GRID2IP: variants seen among roughly 807,000 people sequenced by gnomAD.
GRID2IP encodes the protein delphilin.
A neutral mutation model predicts 114.3 loss-of-function variants in GRID2IP; 78 were observed. The observed-to-expected ratio is 0.68, with a 90% CI of 0.57 to 0.82. The LOEUF (loss-of-function observed/expected upper bound fraction) is 0.82. Ranked by LOEUF, GRID2IP falls within the 40% of genes least tolerant of loss-of-function variation. The probability of loss-of-function intolerance (pLI) is 0.00; values close to 1 mark genes in which losing one functional copy is unlikely to be tolerated. For missense variants in GRID2IP, 1,727 were observed against 1,678.5 expected, an observed-to-expected ratio of 1.03 and a Z score of -0.51; for synonymous variants, 809 against 724.0, an observed-to-expected ratio of 1.12 and a Z score of -1.89.
At chr7:6,514,977 A>G (rs1179957206) in intron 7 of GRID2IP, among the ~76,000 whole-genome samples, 1 of 149,832 alleles carries the variant, frequency 6.7e-6, no homozygotes, top group African/African-American at 2.5e-5. Context: ...GAAAAGAAAA[A>G]GAGAGAGAGA....
Position 6,512,231 on chromosome 7 carries a change from C to CTTTTTTTTT in GRID2IP, c.1424-1201_1424-1193dup, listed in dbSNP as rs1002835555. 1.0e-3 allele frequency among the ~76,000 whole-genome samples: 94 copies of CTTTTTTTTT among 90,204 alleles called. 5 individuals are homozygous for CTTTTTTTTT. The highest frequency in any genetic ancestry group is 1.9e-3 in the African/African-American group (42 of 21,718). The allele number at this position is 90,204 out of a possible 152,430, so 59.2% of individuals were successfully genotyped here. A position where few individuals can be genotyped will look rare whatever the true frequency, so the allele number is the denominator to read the frequency against. ...CACACCTGCCTTTTTTTCTTTTCTT[C>CTTTTTTTTT]TTTTTTTTTTTTTTTTTTGTGACAG... On this transcript the variant is annotated intron_variant, in intron 8 of 21. Transcript: ENST00000457091.
At position 6,526,248 on chromosome 7, in the gene GRID2IP, C is replaced by G. The variant is rs1390560620; in HGVS notation, c.895G>C (p.Val299Leu). 1.9e-6 allele frequency: 3 copies of G among 1,551,986 alleles called. No homozygotes were observed. Among genetic ancestry groups the G allele is most frequent in the Non-Finnish European group, 2.6e-6 (3 of 1,147,044 alleles). The change falls in exon 4 of 22, where the codon GTC becomes CTC. Residue 299 changes from valine to leucine, a missense_variant. By Grantham distance (32) the Val-to-Leu change is conservative (BLOSUM62 1). Coordinates refer to ENST00000457091, the MANE Select transcript of GRID2IP (RefSeq NM_001145118.2). The surrounding 1 kb of genome is among the most constrained non-coding windows in gnomAD (Gnocchi z 7.6). ...CCAGGCAGGACAGACTCGATCCAGA[C>G]AGGCCCGTGGCCGCGAAGTGTGAAG... ...FGFTLRGHGPVWIESVLPGSP... is the reference protein window; with the variant it reads ...FGFTLRGHGPLWIESVLPGSP...
intron 7 of GRID2IP, among the ~76,000 whole-genome samples, chr7:6,517,031 T>A (rs1381886727): frequency 6.6e-6 from 1 of 151,822 alleles, no homozygotes; most frequent in Non-Finnish European, 1.5e-5. Context: ...CTGTCTTTTC[T>A]TCTATCTCTT....
rs909557298 is a variant in GRID2IP at position 6,521,331 on chromosome 7, G to C, written c.1084+98C>G. On this transcript the variant is annotated intron_variant, in intron 6 of 21. Transcript: ENST00000457091. The surrounding 1 kb of genome is among the most constrained non-coding windows in gnomAD (Gnocchi z 4.1). ...CCCGGGGAGGCAAGCTGCAGGTTTA[G>C]GGGAAGAGCTGAGTCCTCCGCACTG... is the stretch of plus-strand genomic sequence containing the variant. 36 of 816,932 alleles carry C rather than the reference G, an allele frequency of 4.4e-5. No individual in the cohort carries two copies. In the African/African-American group the frequency reaches 5.1e-4, roughly 11 times the overall value. 50.6% of individuals were successfully genotyped at this position (816,932 alleles called of 1,614,324 possible).
chr7:6,500,433 C>A (rs1786380987), intron 20 of GRID2IP, among the ~76,000 whole-genome samples: 2 of 152,194 alleles, frequency 1.3e-5, no homozygotes, highest in South Asian at 4.1e-4. Context: ...CATTGCACTC[C>A]AGCCTGGGCA....
At chr7:6,531,854 G>A (rs1452292056) in intron 2 of GRID2IP, among the ~76,000 whole-genome samples, 1 of 152,206 alleles carries the variant, frequency 6.6e-6, no homozygotes, top group Non-Finnish European at 1.5e-5. Context: ...AGAGGGGGGT[G>A]TTGGGATGGG....
At position 6,526,801 on chromosome 7, in the gene GRID2IP, T is replaced by G; in HGVS notation, c.585-32A>C. The G allele has an allele frequency of 6.8e-7, 1 of 1,476,852 alleles. No individual in the cohort carries two copies. Among genetic ancestry groups the G allele is most frequent in the South Asian group, 1.3e-5 (1 of 78,986 alleles). The allele number at this position is 1,476,852 out of a possible 1,614,324, so 91.5% of individuals were successfully genotyped here. On this transcript the variant is annotated intron_variant, in intron 2 of 21. Transcript: ENST00000457091. This position sits in a 1 kb window ranked among gnomAD's most constrained non-coding sequence, Gnocchi z 7.6. Reference sequence around the variant, plus strand: ...GCGAGGACGGCGGAGTCGGGGCGCGTTCCCGGACCCCGGATCTCTGCAAAC... The same window carrying G: ...GCGAGGACGGCGGAGTCGGGGCGCGGTCCCGGACCCCGGATCTCTGCAAAC...
At chr7:6,549,740 C>T (rs1779941252) in intron 1 of GRID2IP, among the ~76,000 whole-genome samples, 1 of 151,994 alleles carries the variant, frequency 6.6e-6, no homozygotes, top group Non-Finnish European at 1.5e-5. Flanking sequence ...CCCACCTCAA[C>T]ACCCTTGAGT....
rs556744325 is a variant in GRID2IP, at chr7:6,507,196, G to A, written c.2544+789C>T. ...TGAGCACTGGGACGGGGCAGCCCTG[G>A]GAGCTGGAAGGAGCCCCTGCCATAT... On this transcript the variant is annotated intron_variant, in intron 13 of 21. Transcript: ENST00000457091. This position sits in a 1 kb window ranked among gnomAD's most constrained non-coding sequence, Gnocchi z 5.3. Among the ~76,000 whole-genome samples the A allele has an allele frequency of 5.6e-4, 86 of 152,288 alleles. No individual in the cohort carries two copies. The highest frequency in any genetic ancestry group is 1.1e-3 in the Non-Finnish European group (73 of 68,024).
At chr7:6,533,993 G>A (rs1217486691) in intron 2 of GRID2IP, among the ~76,000 whole-genome samples, 3 of 152,116 alleles carry the variant, frequency 2.0e-5, no homozygotes, top group South Asian at 4.1e-4. Flanking sequence ...TGGCACTGAA[G>A]CAGAAGAGGG....
chr7:6,538,704 C>A (rs1779769007), intron 2 of GRID2IP, among the ~76,000 whole-genome samples: 1 of 152,108 alleles, frequency 6.6e-6, no homozygotes, highest in South Asian at 2.1e-4. Flanking sequence ...ATGGTGACAC[C>A]CCATCTTTAC....
At chr7:6,539,141 T>G (rs1283193459) in intron 2 of GRID2IP, among the ~76,000 whole-genome samples, 7 of 151,356 alleles carry the variant, frequency 4.6e-5, no homozygotes, top group Non-Finnish European at 7.4e-5. Context: ...ACCTTTTTTT[T>G]TTTTTGAGAC....
Position 6,508,859 on chromosome 7 carries a change from G to C in GRID2IP, c.2127+99C>G. ...TGGGATAGCCTGGGGAAGATCCCAAGGGCAGCAGGCCCCTTGCGGGAGCCC... is the reference window on the plus strand; with the variant it reads ...TGGGATAGCCTGGGGAAGATCCCAACGGCAGCAGGCCCCTTGCGGGAGCCC... On this transcript the variant is annotated intron_variant, in intron 12 of 21. Coordinates refer to ENST00000457091, the MANE Select transcript of GRID2IP (RefSeq NM_001145118.2). The surrounding 1 kb of genome is among the most constrained non-coding windows in gnomAD (Gnocchi z 5.6). 6.8e-7 allele frequency: 1 copy of C among 1,466,812 alleles called. No homozygotes were observed. Among genetic ancestry groups the C allele is most frequent in the Non-Finnish European group, 9.0e-7 (1 of 1,110,650 alleles). 90.9% of individuals were successfully genotyped at this position (1,466,812 alleles called of 1,614,324 possible).
rs1779726756 is a variant in GRID2IP, at chr7:6,536,556, G to A, written c.584+3162C>T. On this transcript the variant is annotated intron_variant, in intron 2 of 21. Coordinates refer to ENST00000457091, the MANE Select transcript of GRID2IP (RefSeq NM_001145118.2). The surrounding 1 kb of genome is among the most constrained non-coding windows in gnomAD (Gnocchi z 5.3). ...CAGGAACAGACACCGGCAGCGCTGTGGGAGAGGAGAACCGAGAGGGCCTCC... is the reference window on the plus strand; with the variant it reads ...CAGGAACAGACACCGGCAGCGCTGTAGGAGAGGAGAACCGAGAGGGCCTCC... Among the ~76,000 whole-genome samples the A allele has an allele frequency of 6.6e-6, 1 of 152,096 alleles. No individual in the cohort carries two copies. Among genetic ancestry groups the A allele is most frequent in the South Asian group, 2.1e-4 (1 of 4,832 alleles).
At chr7:6,545,676 G>A (rs936239894) in intron 1 of GRID2IP, among the ~76,000 whole-genome samples, 6 of 152,166 alleles carry the variant, frequency 3.9e-5, no homozygotes, top group Admixed American at 1.3e-4. Context: ...GTGATGATCC[G>A]GGGTCTCATG....
At chr7:6,512,146 A>G (rs1583339042) in intron 8 of GRID2IP, among the ~76,000 whole-genome samples, 1 of 148,662 alleles carries the variant, frequency 6.7e-6, no homozygotes, top group African/African-American at 2.5e-5. Context: ...TCAACTCCTA[A>G]CCTCAGGTGA....
chr7:6,542,273 C>T (rs1779824155), intron 1 of GRID2IP, among the ~76,000 whole-genome samples: 1 of 142,954 alleles, frequency 7.0e-6, no homozygotes, highest in Non-Finnish European at 1.5e-5. Flanking sequence ...CCATTGTACT[C>T]CAGCCTAGGC....
chr7:6,501,966 C>G (rs1256337975), intron 19 of GRID2IP, 23 bp downstream of exon 19: 1 of 1,550,908 alleles, frequency 6.4e-7, no homozygotes, highest in Admixed American at 2.0e-5. Flanking sequence ...GCCTCTGCCT[C>G]CCCATCCACC....
chr7:6,507,772 G>T lies in GRID2IP; in HGVS notation c.2544+213C>A, dbSNP rs1786636803. On this transcript the variant is annotated intron_variant, in intron 13 of 21. Coordinates refer to ENST00000457091, the MANE Select transcript of GRID2IP (RefSeq NM_001145118.2). This position sits in a 1 kb window ranked among gnomAD's most constrained non-coding sequence, Gnocchi z 5.3. ...AGGGTGGCATTTCCAGGTGTCCCCA[G>T]TGTGTGTCTTTGGCTGAGGGACACA... 1.3e-5 allele frequency among the ~76,000 whole-genome samples: 2 copies of T among 152,242 alleles called. No homozygotes were observed. Among genetic ancestry groups the T allele is most frequent in the South Asian group, 4.1e-4 (2 of 4,834 alleles).
Sources: allele counts gnomAD v4.1 joint callset (sites outside exome capture counted in the v4.1 genomes callset), GRCh38; gene constraint gnomAD v4.1.1; non-coding constraint Gnocchi (gnomAD v3.1); transcripts MANE v1.5; gene names NCBI Gene and HGNC (gene_info 2026-07-23, HGNC 2026-07-21).